TRDN: variants seen among roughly 807,000 people sequenced by gnomAD.
The protein encoded by TRDN is triadin in skeletal muscle.
A neutral mutation model predicts 149.7 loss-of-function variants in TRDN; 161 were observed. The observed-to-expected ratio is 1.08, with a 90% CI of 0.95 to 1.23. The LOEUF is 1.23. Ranked by LOEUF, TRDN falls within the 50% of genes most tolerant of loss-of-function variation. The probability of loss-of-function intolerance (pLI) is 0.00; values close to 1 mark genes in which losing one functional copy is unlikely to be tolerated. For missense variants in TRDN, 896 were observed against 823.5 expected (o/e 1.09, Z -1.08); for synonymous variants, 294 against 250.5 (o/e 1.17, Z -1.64).
At chr6:123,311,770 A>G (rs370290932) in intron 24 of TRDN, among the ~76,000 whole-genome samples, 1 of 152,038 alleles carries the variant, frequency 6.6e-6, no homozygotes, top group African/African-American at 2.4e-5. Flanking sequence ...GGAAAAAGCC[A>G]TGAAAGCCAT....
intron 12 of TRDN, among the ~76,000 whole-genome samples, chr6:123,436,366 G>A (rs1007924948): frequency 2.2e-4 from 33 of 152,156 alleles, no homozygotes; most frequent in Admixed American, 1.8e-3. Flanking sequence ...CCTTAATAAT[G>A]GAAATTTGGA....
intron 9 of TRDN, among the ~76,000 whole-genome samples, chr6:123,491,129 G>T (rs1446840453): frequency 6.6e-6 from 1 of 150,590 alleles, no homozygotes; most frequent in African/African-American, 2.4e-5. Flanking sequence ...AAGAAGGAAC[G>T]AAAGAAGGAA....
At chr6:123,630,484 C>T (rs994724497) in intron 1 of TRDN, among the ~76,000 whole-genome samples, 1 of 151,926 alleles carries the variant, frequency 6.6e-6, no homozygotes, top group African/African-American at 2.4e-5. Context: ...GGCCTTAAGT[C>T]TCTATGGATT....
At position 123,636,832 on chromosome 6, in the gene TRDN, GAGTA is replaced by G; in HGVS notation, c.-61_-58del. On this transcript the variant is annotated 5_prime_UTR_variant, in exon 1 of 41. Coordinates refer to ENST00000334268, the MANE Select transcript of TRDN (RefSeq NM_006073.4). ...AGTTCCCGTCAAGTTGCACTTTGCAGAGTATTTGGGGATTTGAGAACTCTGGTGG... is the reference window on the plus strand; with the variant it reads ...AGTTCCCGTCAAGTTGCACTTTGCAGTTTGGGGATTTGAGAACTCTGGTGG... 1 of 1,607,216 alleles carries G rather than the reference GAGTA, an allele frequency of 6.2e-7. No individual in the cohort carries two copies. Among genetic ancestry groups the G allele is most frequent in the East Asian group, 2.2e-5 (1 of 44,610 alleles).
intron 1 of TRDN, among the ~76,000 whole-genome samples, chr6:123,604,432 A>G (rs1325609508): frequency 6.6e-6 from 1 of 152,250 alleles, no homozygotes; most frequent in Non-Finnish European, 1.5e-5. Flanking sequence ...TACATTTACA[A>G]TGCCTGCGAG....
chr6:123,627,074 G>GCCTGCCTGTAAT (rs1785712635), intron 1 of TRDN, among the ~76,000 whole-genome samples: 1 of 151,800 alleles, frequency 6.6e-6, no homozygotes, highest in Non-Finnish European at 1.5e-5. Context: ...GATTACAGGT[G>GCCTGCCTGTAAT]CCTGCCACCA....
chr6:123,635,352 A>AC (rs746654637), intron 1 of TRDN, among the ~76,000 whole-genome samples: 1 of 151,564 alleles, frequency 6.6e-6, no homozygotes, highest in African/African-American at 2.4e-5. Flanking sequence ...ACACACACAC[A>AC]AACAAGATTT....
At chr6:123,298,706 C>T (rs1427441742) in intron 24 of TRDN, among the ~76,000 whole-genome samples, 2 of 151,962 alleles carry the variant, frequency 1.3e-5, no homozygotes, top group East Asian at 3.9e-4. Flanking sequence ...ATTTACACTC[C>T]AAATACACTT....
chr6:123,351,109 G>T (rs866258012), intron 21 of TRDN: 1 of 984,914 alleles, frequency 1.0e-6, no homozygotes, highest in Middle Eastern at 5.2e-4. Context: ...TGAATATCAT[G>T]AGTAATCAGC....
chr6:123,635,400 G>C (rs1049845365), intron 1 of TRDN, among the ~76,000 whole-genome samples: 1 of 151,588 alleles, frequency 6.6e-6, no homozygotes, highest in African/African-American at 2.4e-5. Context: ...TGCTGGTCTT[G>C]AGCAAGTCAC....
At chr6:123,585,735 G>T (rs1299864152) in intron 1 of TRDN, among the ~76,000 whole-genome samples, 4 of 152,134 alleles carry the variant, frequency 2.6e-5, no homozygotes. Context: ...CTGGTGGCCA[G>T]ATTTCTGGCA....
At chr6:123,440,976 A>G (rs1774846032) in intron 10 of TRDN, 1 of 151,322 alleles carries the variant, frequency 6.6e-6, no homozygotes, top group African/African-American at 2.5e-5. Context: ...GTCATGAATA[A>G]GAGCAGAAGT....
At chr6:123,409,388 G>T (rs2114508436) in intron 12 of TRDN, among the ~76,000 whole-genome samples, 1 of 152,270 alleles carries the variant, frequency 6.6e-6, no homozygotes, top group African/African-American at 2.4e-5. Flanking sequence ...CAGTCAGAAA[G>T]GTCACGCTTT....
intron 24 of TRDN, among the ~76,000 whole-genome samples, chr6:123,310,509 T>C (rs1265377486): frequency 6.6e-6 from 1 of 152,016 alleles, no homozygotes; most frequent in East Asian, 1.9e-4. Flanking sequence ...GGGTGCAGGA[T>C]TGCTATAACA....
chr6:123,559,308 T>C (rs1428152868), intron 2 of TRDN, among the ~76,000 whole-genome samples: 1 of 152,098 alleles, frequency 6.6e-6, no homozygotes, highest in African/African-American at 2.4e-5. Flanking sequence ...CTCTTAAAAC[T>C]CCCCAGCTCT....
At chr6:123,461,330 T>C (rs1776436448) in intron 10 of TRDN, among the ~76,000 whole-genome samples, 1 of 152,186 alleles carries the variant, frequency 6.6e-6, no homozygotes. Context: ...TTATTTATAA[T>C]TGCAAGACTA....
intron 2 of TRDN, among the ~76,000 whole-genome samples, chr6:123,550,465 A>G: frequency 6.6e-6 from 1 of 152,080 alleles, no homozygotes; most frequent in Middle Eastern, 3.2e-3. Flanking sequence ...CGAGGATGTC[A>G]CTCATGACCT....
At chr6:123,460,813 TCTC>T in intron 10 of TRDN, among the ~76,000 whole-genome samples, 1 of 152,230 alleles carries the variant, frequency 6.6e-6, no homozygotes, top group Non-Finnish European at 1.5e-5. Context: ...AATGTTCTTT[TCTC>T]CTCTGTATCT....
At chr6:123,369,080 C>G (rs1781224281) in intron 19 of TRDN, among the ~76,000 whole-genome samples, 1 of 152,168 alleles carries the variant, frequency 6.6e-6, no homozygotes. Flanking sequence ...AAATCTCCCT[C>G]TAAAGGATCT....
Sources: allele counts gnomAD v4.1 joint callset (sites outside exome capture counted in the v4.1 genomes callset), GRCh38; gene constraint gnomAD v4.1.1; transcripts MANE v1.5; gene names NCBI Gene and HGNC (gene_info 2026-07-23, HGNC 2026-07-21).